TRDN: variants seen among roughly 807,000 people sequenced by gnomAD.
TRDN encodes the protein triadin in skeletal muscle.
A neutral mutation model predicts 149.7 loss-of-function variants in TRDN; 161 were observed. That is an observed-to-expected ratio of 1.08 (90% CI 0.95 to 1.23). The LOEUF is 1.23. Among genes scored for constraint, TRDN ranks in the 50% most tolerant of loss-of-function variants. The probability of loss-of-function intolerance (pLI) is 0.00; values close to 1 mark genes in which losing one functional copy is unlikely to be tolerated. For missense variants in TRDN, 896 were observed against 823.5 expected (o/e 1.09, Z -1.08); for synonymous variants, 294 against 250.5 (o/e 1.17, Z -1.64).
At chr6:123,288,436 G>A (rs1777877105) in intron 24 of TRDN, among the ~76,000 whole-genome samples, 1 of 152,018 alleles carries the variant, frequency 6.6e-6, no homozygotes, top group Non-Finnish European at 1.5e-5. Context: ...CAATAAAAAT[G>A]AAGAGACAAC....
At chr6:123,583,102 A>AT (rs1463457172) in intron 1 of TRDN, among the ~76,000 whole-genome samples, 2 of 150,982 alleles carry the variant, frequency 1.3e-5, no homozygotes, top group African/African-American at 2.4e-5. Flanking sequence ...GCCTAAGGAG[A>AT]TCAGCATAGT....
chr6:123,310,376 T>C (rs1275266165), intron 24 of TRDN, among the ~76,000 whole-genome samples: 2 of 152,044 alleles, frequency 1.3e-5, no homozygotes, highest in Non-Finnish European at 2.9e-5. Context: ...AGCATAAGGA[T>C]AATTATTCAA....
chr6:123,294,110 T>C (rs1038552044), intron 24 of TRDN, among the ~76,000 whole-genome samples: 16 of 152,292 alleles, frequency 1.1e-4, no homozygotes, highest in Non-Finnish European at 1.6e-4. Context: ...AGACTAGTGT[T>C]GGATTATTTA....
chr6:123,317,556 C>T (rs1389623855), intron 23 of TRDN, among the ~76,000 whole-genome samples: 5 of 151,932 alleles, frequency 3.3e-5, no homozygotes, highest in East Asian at 1.9e-4. Context: ...AGTATCAGTG[C>T]TATTAATGCA....
intron 1 of TRDN, among the ~76,000 whole-genome samples, chr6:123,603,535 C>T (rs893726660): frequency 4.6e-5 from 7 of 152,048 alleles, no homozygotes; most frequent in Admixed American, 1.3e-4. Flanking sequence ...AATTATCCCT[C>T]CAACATTCAT....
chr6:123,320,608 G>A (rs918927931), intron 23 of TRDN, among the ~76,000 whole-genome samples: 3 of 151,988 alleles, frequency 2.0e-5, no homozygotes, highest in Non-Finnish European at 4.4e-5. Context: ...TTTGAATTCC[G>A]TTTCCAAAGT....
chr6:123,517,445 T>C (rs141646119), intron 5 of TRDN, among the ~76,000 whole-genome samples: 58 of 152,284 alleles, frequency 3.8e-4, no homozygotes, highest in African/African-American at 1.3e-3. Context: ...AAATTCGATA[T>C]CATTGACTCC....
Position 123,442,471 on chromosome 6 carries a change from T to A in TRDN, c.932-3468A>T, listed in dbSNP as rs919554356. ...TGAGGCAGGAGAATGGCGTGAACCC[T>A]GGAGGCGGAGCTTGCAGTGAGCCGA... On this transcript the variant is annotated intron_variant, in intron 10 of 40. Transcript: ENST00000334268. The A allele has an allele frequency of 2.3e-5, 3 of 128,434 alleles. 1 individual carries two copies. Among genetic ancestry groups the A allele is most frequent in the African/African-American group, 3.4e-5 (1 of 29,676 alleles). The allele number at this position is 128,434 out of a possible 1,614,324, so 8.0% of individuals were successfully genotyped here. A position where few individuals can be genotyped will look rare whatever the true frequency, so the allele number is the denominator to read the frequency against.
At chr6:123,511,894 C>T (rs1779197993) in intron 7 of TRDN, among the ~76,000 whole-genome samples, 1 of 152,084 alleles carries the variant, frequency 6.6e-6, no homozygotes. Context: ...TCTGCTGAAT[C>T]TGTCTACATT....
At chr6:123,280,397 G>A (rs540127218) in intron 24 of TRDN, among the ~76,000 whole-genome samples, 4 of 152,184 alleles carry the variant, frequency 2.6e-5, no homozygotes, top group East Asian at 3.9e-4. Flanking sequence ...CTTCGGTACC[G>A]TGTTTGCTAT....
At chr6:123,352,411 C>T (rs2114298909) in intron 21 of TRDN, 128 bp downstream of exon 21, 3 of 1,416,742 alleles carry the variant, frequency 2.1e-6, no homozygotes, top group Non-Finnish European at 2.8e-6. Flanking sequence ...GAAAAACATG[C>T]AAGGACAGTG....
intron 19 of TRDN, among the ~76,000 whole-genome samples, chr6:123,372,446 T>C (rs1288794440): frequency 2.0e-5 from 3 of 152,058 alleles, no homozygotes; most frequent in African/African-American, 7.2e-5. Context: ...AAATGCCTGA[T>C]TATTAGATCC....
chr6:123,416,423 G>A (rs1773651290), intron 12 of TRDN, among the ~76,000 whole-genome samples: 1 of 130,380 alleles, frequency 7.7e-6, no homozygotes, highest in Non-Finnish European at 1.7e-5. Context: ...CATTTTTACT[G>A]TATGAAACTA....
rs545470302 is a variant in TRDN, at chr6:123,271,159, G to T, written c.1700C>A (p.Ala567Asp). The T allele has an allele frequency of 2.3e-5, 35 of 1,536,154 alleles. No individual in the cohort carries two copies. Among genetic ancestry groups the T allele is most frequent in the Middle Eastern group, 3.4e-4 (2 of 5,918 alleles). Residue 567 changes from alanine to aspartate, a missense_variant, in exon 30 of 41, where the codon GCT (alanine) becomes GAT (aspartate). Ala to Asp is a moderately radical substitution (Grantham distance 126). Transcript: ENST00000334268. ...TTTACCTGTTTTTTCTATTGTGACA[G>T]CTTTTACCTGCTTGAGAACTTTTTC... ...PEEKVLKQVK[A>D]VTIEKTAKPK...
chr6:123,448,931 C>T (rs530654715), intron 10 of TRDN, among the ~76,000 whole-genome samples: 13 of 152,212 alleles, frequency 8.5e-5, no homozygotes, highest in African/African-American at 2.2e-4. Context: ...AGCCCAGAGC[C>T]GGGTAGACGC....
intron 23 of TRDN, among the ~76,000 whole-genome samples, chr6:123,317,292 G>A (rs1023151466): frequency 1.3e-5 from 2 of 151,668 alleles, no homozygotes; most frequent in Admixed American, 6.6e-5. Flanking sequence ...AAGAGTCCAG[G>A]TACATTACAG....
intron 4 of TRDN, among the ~76,000 whole-genome samples, chr6:123,539,614 A>G (rs1376358298): frequency 3.3e-5 from 5 of 152,214 alleles, no homozygotes; most frequent in African/African-American, 1.2e-4. Context: ...TGTCATGTTT[A>G]AAATTTTGAT....
chr6:123,558,651 C>A (rs958186790), intron 2 of TRDN, among the ~76,000 whole-genome samples: 2 of 152,138 alleles, frequency 1.3e-5, no homozygotes, highest in African/African-American at 4.8e-5. Flanking sequence ...ATTTTATTAC[C>A]CAATCTGCTC....
At chr6:123,226,192 T>C (rs1172255007) in intron 38 of TRDN, among the ~76,000 whole-genome samples, 2 of 151,806 alleles carry the variant, frequency 1.3e-5, no homozygotes, top group Non-Finnish European at 2.9e-5. Context: ...ATGACCATGG[T>C]CTTGAACTGC....
Sources: allele counts gnomAD v4.1 joint callset (sites outside exome capture counted in the v4.1 genomes callset), GRCh38; gene constraint gnomAD v4.1.1; transcripts MANE v1.5; gene names NCBI Gene and HGNC (gene_info 2026-07-23, HGNC 2026-07-21).